The following CAMK2B variants were observed in gnomAD, a reference collection of about 807,000 sequenced individuals.
CAMK2B encodes calcium/calmodulin-dependent protein kinase type II subunit beta.
Under a neutral mutation model 93.7 loss-of-function variants are expected in CAMK2B, and 27 were observed. The ratio of observed to expected loss-of-function variants is 0.29; its 90% confidence interval spans 0.21 to 0.40. The LOEUF is 0.40. CAMK2B is among the 10% of genes least tolerant of loss of function. The probability of loss-of-function intolerance (pLI) is 1.00; values close to 1 mark genes in which losing one functional copy is unlikely to be tolerated. For synonymous variants in CAMK2B, 374 were observed against 358.8 expected, an observed-to-expected ratio of 1.04 and a Z score of -0.48; for missense variants, 568 against 895.8, an observed-to-expected ratio of 0.63 and a Z score of 4.67.
In CAMK2B at chr7:44,228,848, C is replaced by A; in HGVS notation, c.1416G>T (p.Ala472=). The A allele has an allele frequency of 6.6e-7, 1 of 1,509,266 alleles. No individual in the cohort carries two copies. The highest frequency in any genetic ancestry group is 2.4e-5 in the East Asian group (1 of 41,650). 93.5% of individuals were successfully genotyped at this position (1,509,266 alleles called of 1,614,324 possible). A position where few individuals can be genotyped will look rare whatever the true frequency, so the allele number is the denominator to read the frequency against. The change falls in exon 19 of 24, where the codon GCG becomes GCT. Residue 472 remains alanine, a synonymous_variant. Transcript: ENST00000395749. ...CCGGAGACAGGCAGGGCGGGGGCCC[C>A]GCTGAGAGGGGGCCCTCGGCTTCTG... ...GTPEAEGPLS[A]GPPPCLSPAL...
chr7:44,270,156 C>G (rs183051993), intron 2 of CAMK2B, among the ~76,000 whole-genome samples: 1 of 152,032 alleles, frequency 6.6e-6, no homozygotes, highest in Admixed American at 6.5e-5. Context: ...GGGGGCCCCC[C>G]ACTAGCACCA....
chr7:44,310,406 G>A (rs1431677960), intron 1 of CAMK2B, among the ~76,000 whole-genome samples: 1 of 152,132 alleles, frequency 6.6e-6, no homozygotes, highest in Non-Finnish European at 1.5e-5. Flanking sequence ...GTTCGTAAGT[G>A]GGGAGGCTGA....
chr7:44,239,518 G>T, intron 13 of CAMK2B, 71 bp downstream of exon 13: 1 of 1,385,860 alleles, frequency 7.2e-7, no homozygotes, highest in Non-Finnish European at 9.9e-7. Context: ...GCGGCTGCGT[G>T]CAGCAGGGGG....
intron 1 of CAMK2B, among the ~76,000 whole-genome samples, chr7:44,300,010 G>A (rs1050423207): frequency 1.6e-5 from 2 of 125,090 alleles, no homozygotes; most frequent in African/African-American, 5.6e-5. Flanking sequence ...GTATGTATAT[G>A]TGTATGTGTC....
chr7:44,320,028 G>A (rs1451925983), intron 1 of CAMK2B, among the ~76,000 whole-genome samples: 2 of 152,168 alleles, frequency 1.3e-5, no homozygotes, highest in African/African-American at 4.8e-5. Context: ...GGGAACTTGA[G>A]TGTAAAGGAG....
intron 13 of CAMK2B, among the ~76,000 whole-genome samples, chr7:44,237,060 G>A (rs780629834): frequency 2.4e-4 from 37 of 152,272 alleles, no homozygotes; most frequent in Non-Finnish European, 4.3e-4. Context: ...AGTCAGGCAC[G>A]TAGCCTCCGC....
intron 13 of CAMK2B, among the ~76,000 whole-genome samples, chr7:44,235,145 C>T (rs913067646): frequency 3.3e-5 from 5 of 152,222 alleles, no homozygotes; most frequent in African/African-American, 9.6e-5. Flanking sequence ...CAGCTGGCCG[C>T]CCACTCAGAG....
At chr7:44,233,042 G>A (rs778448827) in intron 15 of CAMK2B, among the ~76,000 whole-genome samples, 176 bp from the exon 16 acceptor site, 26 of 152,132 alleles carry the variant, frequency 1.7e-4, no homozygotes, top group Non-Finnish European at 3.1e-4. Context: ...GAGCAGCTGG[G>A]GGAGGAGCCT....
intron 1 of CAMK2B, among the ~76,000 whole-genome samples, chr7:44,307,499 G>A (rs1247198075): frequency 6.6e-6 from 1 of 151,952 alleles, no homozygotes; most frequent in South Asian, 2.1e-4. Context: ...GGGGCCTCCT[G>A]TGTCATTGGC....
At chr7:44,227,142 A>G (rs575160608) in intron 19 of CAMK2B, among the ~76,000 whole-genome samples, 1 of 498 alleles carries the variant, frequency 2.0e-3, no homozygotes. Flanking sequence ...ACAGAGGGGG[A>G]TGTGGGGGAC....
intron 20 of CAMK2B, among the ~76,000 whole-genome samples, chr7:44,221,239 C>T (rs2096400632): frequency 1.3e-5 from 2 of 152,264 alleles, no homozygotes; most frequent in South Asian, 4.1e-4. Context: ...CACGTGCTGT[C>T]CGCCACAGTC....
At chr7:44,232,324 C>T (rs1264535653) in intron 16 of CAMK2B, among the ~76,000 whole-genome samples, 5 of 152,200 alleles carry the variant, frequency 3.3e-5, no homozygotes, top group South Asian at 2.1e-4. Flanking sequence ...CCTCCCACCA[C>T]CCCAGAGAGC....
chr7:44,221,431 A>G (rs2096404129), intron 20 of CAMK2B, among the ~76,000 whole-genome samples: 1 of 152,078 alleles, frequency 6.6e-6, no homozygotes, highest in Non-Finnish European at 1.5e-5. Context: ...GACCTGCCTC[A>G]GAGAAGGAGC....
chr7:44,282,826 C>A (rs905724647), intron 2 of CAMK2B, among the ~76,000 whole-genome samples: 2 of 152,220 alleles, frequency 1.3e-5, no homozygotes, highest in Non-Finnish European at 2.9e-5. Context: ...CCCGTCTCTG[C>A]CCACATTAGG....
In CAMK2B at chr7:44,325,248, C is replaced by A. The variant is rs554591403; in HGVS notation, c.65+109G>T. On this transcript the variant is annotated intron_variant, in intron 1 of 23. Transcript: ENST00000395749. ...CGCTTGGGCCCGGAGCCCAGAGAAG[C>A]CGGCGGCGCGCGGGCCCGCAGTGCG... 1.1e-4 allele frequency: 58 copies of A among 532,784 alleles called. No homozygotes were observed. The African/African-American group carries it at 1.1e-3, about 10-fold the overall frequency. The allele number at this position is 532,784 out of a possible 1,614,324, so 33.0% of individuals were successfully genotyped here. A position where few individuals can be genotyped will look rare whatever the true frequency, so the allele number is the denominator to read the frequency against.
intron 9 of CAMK2B, 92 bp downstream of exon 9, chr7:44,242,468 G>A: frequency 6.7e-7 from 1 of 1,499,070 alleles, no homozygotes; most frequent in South Asian, 1.2e-5. Context: ...GCCACAGGTG[G>A]CTTCACCCCA....
At chr7:44,320,913 T>A (rs1288297934) in intron 1 of CAMK2B, among the ~76,000 whole-genome samples, 1 of 151,720 alleles carries the variant, frequency 6.6e-6, no homozygotes, top group Non-Finnish European at 1.5e-5. Flanking sequence ...GCACATCAGA[T>A]GGGGCAAAGT....
At chr7:44,280,880 C>T (rs2097096743) in intron 2 of CAMK2B, among the ~76,000 whole-genome samples, 1 of 152,194 alleles carries the variant, frequency 6.6e-6, no homozygotes, top group African/African-American at 2.4e-5. Flanking sequence ...TGTGGCAAAA[C>T]AACAGAGAAA....
At chr7:44,292,782 C>G (rs931326265) in intron 1 of CAMK2B, among the ~76,000 whole-genome samples, 3 of 152,222 alleles carry the variant, frequency 2.0e-5, no homozygotes, top group Non-Finnish European at 2.9e-5. Flanking sequence ...ACACTGGCCC[C>G]TTTCTGAAAC....
Sources: gnomAD v4.1 joint callset for allele counts (sites outside exome capture counted in the v4.1 genomes callset) on GRCh38, gnomAD v4.1.1 for gene constraint, MANE v1.5 for transcripts, NCBI Gene and HGNC (gene_info 2026-07-23, HGNC 2026-07-21) for gene names.